RIT2: variants seen among roughly 807,000 people sequenced by gnomAD.
RIT2 encodes Ras like without CAAX 2.
RIT2 carries 24 observed loss-of-function variants against 23.7 expected under a neutral mutation model. The ratio of observed to expected loss-of-function variants is 1.01; its 90% CI spans 0.73 to 1.43. The LOEUF (loss-of-function observed/expected upper bound fraction) is 1.43, where lower values mean the gene tolerates loss of function less well. RIT2 is among the 40% of genes most tolerant of loss of function. The pLI is 0.00. For missense variants in RIT2, 236 were observed against 266.9 expected (o/e 0.88, Z 0.81); for synonymous variants, 107 against 91.1 (o/e 1.17, Z -0.99).
chr18:43,006,039 A>C (rs1234147441), intron 2 of RIT2, among the ~76,000 whole-genome samples: 5 of 151,694 alleles, frequency 3.3e-5, no homozygotes, highest in Non-Finnish European at 7.4e-5. Context: ...GCTGAGAATA[A>C]ACTTTTGGAA....
chr18:43,067,402 T>G (rs1394797549), intron 1 of RIT2, among the ~76,000 whole-genome samples: 2 of 152,058 alleles, frequency 1.3e-5, no homozygotes, highest in Non-Finnish European at 2.9e-5. Context: ...GACATACCCC[T>G]TGGGAAACCT....
intron 4 of RIT2, among the ~76,000 whole-genome samples, chr18:42,846,929 A>G (rs535664253): frequency 6.6e-6 from 1 of 152,276 alleles, no homozygotes; most frequent in East Asian, 1.9e-4. Flanking sequence ...AACACTTGGT[A>G]TCTTGAACTG....
intron 3 of RIT2, among the ~76,000 whole-genome samples, chr18:42,949,842 C>T (rs1029589775): frequency 2.6e-5 from 4 of 152,030 alleles, no homozygotes; most frequent in Admixed American, 2.6e-4. Context: ...CCCAATTGAT[C>T]TGCATTTTAA....
At chr18:43,002,354 C>T (rs551186055) in intron 2 of RIT2, among the ~76,000 whole-genome samples, 13 of 152,012 alleles carry the variant, frequency 8.6e-5, no homozygotes, top group South Asian at 4.1e-4. Flanking sequence ...GGTGGGTCTG[C>T]CTCTCCTAGT....
chr18:42,805,707 C>T (rs991401428), intron 4 of RIT2, among the ~76,000 whole-genome samples: 7 of 152,142 alleles, frequency 4.6e-5, no homozygotes, highest in Admixed American at 6.5e-5. Flanking sequence ...TTATTGATGT[C>T]ACTACCCAGC....
rs867056046 is a variant in RIT2 at position 42,974,089 on chromosome 18, C to T, written c.219G>A (p.Leu73=). Residue 73 remains leucine, a synonymous_variant, in exon 3 of 5, where the codon TTG becomes TTA. Coordinates refer to ENST00000326695, the MANE Select transcript of RIT2 (RefSeq NM_002930.4). ...IDNEPAYLDI[L]DTAGQAEFTA... ...CATCACCTACCTGGCCAGCAGTGTCCAAGATGTCCAAGTAAGCTGGCTCAT... is the reference window on the plus strand; with the variant it reads ...CATCACCTACCTGGCCAGCAGTGTCTAAGATGTCCAAGTAAGCTGGCTCAT... 3 of 1,611,024 alleles carry T rather than the reference C, an allele frequency of 1.9e-6. No individual in the cohort carries two copies. Among genetic ancestry groups the T allele is most frequent in the African/African-American group, 2.7e-5 (2 of 74,846 alleles).
intron 2 of RIT2, among the ~76,000 whole-genome samples, chr18:43,013,685 C>T (rs973303749): frequency 4.0e-5 from 6 of 151,684 alleles, no homozygotes; most frequent in Admixed American, 2.6e-4. Flanking sequence ...TTGTTTTTGG[C>T]ACTATCAGAG....
At chr18:42,994,107 A>G (rs551212740) in intron 2 of RIT2, among the ~76,000 whole-genome samples, 114 of 151,946 alleles carry the variant, frequency 7.5e-4, no homozygotes, top group Non-Finnish European at 1.2e-3. Flanking sequence ...TCTACAACCC[A>G]TTATTCTGTT....
intron 2 of RIT2, among the ~76,000 whole-genome samples, chr18:43,009,170 C>G (rs1010987422): frequency 1.3e-5 from 2 of 151,274 alleles, no homozygotes; most frequent in African/African-American, 4.8e-5. Context: ...CTAAAAAAAC[C>G]GAAGACATCC....
intron 2 of RIT2, among the ~76,000 whole-genome samples, chr18:43,001,985 T>C (rs76616104): frequency 0.025 from 3,858 of 151,958 alleles, 152 homozygotes; most frequent in African/African-American, 0.085. Flanking sequence ...GTTGTATATA[T>C]TAAAGGGAGT....
At chr18:43,097,012 T>C (rs548013476) in intron 1 of RIT2, among the ~76,000 whole-genome samples, 2 of 151,950 alleles carry the variant, frequency 1.3e-5, no homozygotes, top group Non-Finnish European at 2.9e-5. Context: ...AGCTGTAGTT[T>C]AGAATTAGAA....
At chr18:43,031,585 C>T (rs1199538995) in intron 2 of RIT2, among the ~76,000 whole-genome samples, 1 of 151,914 alleles carries the variant, frequency 6.6e-6, no homozygotes, top group Non-Finnish European at 1.5e-5. Flanking sequence ...AACAATTACT[C>T]CTTGGGATGA....
chr18:42,804,561 TA>T (rs564202513), intron 4 of RIT2, among the ~76,000 whole-genome samples: 1,302 of 52,858 alleles, frequency 0.025, 15 homozygotes, highest in African/African-American at 0.069. Flanking sequence ...GCCTCAAAAC[TA>T]AAAAAAAAAA....
chr18:42,800,337 C>A (rs1328117501), intron 4 of RIT2, among the ~76,000 whole-genome samples: 1 of 152,102 alleles, frequency 6.6e-6, no homozygotes, highest in Admixed American at 6.5e-5. Context: ...TATATGGAAT[C>A]CGGTTTCAAC....
chr18:42,825,546 A>G (rs1358259696), intron 4 of RIT2, among the ~76,000 whole-genome samples: 3 of 151,898 alleles, frequency 2.0e-5, no homozygotes, highest in East Asian at 3.8e-4. Context: ...TAGACTAAGT[A>G]TTTTACACAA....
At chr18:43,053,391 C>G (rs951798753) in intron 1 of RIT2, among the ~76,000 whole-genome samples, 2 of 151,850 alleles carry the variant, frequency 1.3e-5, no homozygotes, top group Non-Finnish European at 2.9e-5. Context: ...CTAGTATGCT[C>G]ATTATTGTGA....
At chr18:42,779,324 G>T (rs971647106) in intron 4 of RIT2, among the ~76,000 whole-genome samples, 3 of 151,976 alleles carry the variant, frequency 2.0e-5, no homozygotes, top group Non-Finnish European at 4.4e-5. Context: ...AAAAGATAGA[G>T]CCCCTGTCTC....
chr18:42,925,940 C>T (rs987998329), intron 3 of RIT2, among the ~76,000 whole-genome samples: 3 of 151,662 alleles, frequency 2.0e-5, no homozygotes, highest in African/African-American at 7.2e-5. Flanking sequence ...TCTTTTTATA[C>T]ATGTACCATA....
At chr18:42,824,206 A>T (rs1906231251) in intron 4 of RIT2, among the ~76,000 whole-genome samples, 1 of 152,132 alleles carries the variant, frequency 6.6e-6, no homozygotes, top group Non-Finnish European at 1.5e-5. Flanking sequence ...TTAACCTTGA[A>T]TGTTATACAC....
Sources: gnomAD v4.1 joint callset for allele counts (sites outside exome capture counted in the v4.1 genomes callset) on GRCh38, gnomAD v4.1.1 for gene constraint, MANE v1.5 for transcripts, NCBI Gene and HGNC (gene_info 2026-07-23, HGNC 2026-07-21) for gene names.